The following NCKAP5 variants were observed in gnomAD, a reference collection of about 807,000 sequenced individuals.
NCKAP5 encodes nck-associated protein 5.
A neutral mutation model predicts 167.0 loss-of-function variants in NCKAP5; 92 were observed. That is an observed-to-expected ratio of 0.55 (90% CI 0.47 to 0.66). The LOEUF (loss-of-function observed/expected upper bound fraction) is 0.66, where lower values mean the gene tolerates loss of function less well. NCKAP5 is among the 30% of genes least tolerant of loss of function. The pLI is 0.00. For missense variants in NCKAP5, 2,378 were observed against 2,315.0 expected (o/e 1.03, Z -0.56); for synonymous variants, 891 against 877.4 (o/e 1.02, Z -0.27).
intron 3 of NCKAP5, among the ~76,000 whole-genome samples, chr2:133,445,444 C>T (rs1691133877): frequency 6.6e-6 from 1 of 152,170 alleles, no homozygotes; most frequent in African/African-American, 2.4e-5. Flanking sequence ...ATTGCTATCA[C>T]TGTTTTATAT....
the NCKAP5 span, among the ~76,000 whole-genome samples, chr2:133,615,587 A>G: frequency 6.6e-6 from 1 of 152,250 alleles, no homozygotes; most frequent in South Asian, 2.1e-4. Context: ...GAGCAATTCA[A>G]CAAGAAGAGC....
intron 19 of NCKAP5, among the ~76,000 whole-genome samples, chr2:132,718,570 A>G (rs900844948): frequency 6.6e-6 from 1 of 152,194 alleles, no homozygotes; most frequent in African/African-American, 2.4e-5. Context: ...GAGTAAACTA[A>G]AAGTCTATAT....
chr2:133,636,302 C>T, the NCKAP5 span, among the ~76,000 whole-genome samples: 1 of 152,262 alleles, frequency 6.6e-6, no homozygotes, highest in Non-Finnish European at 1.5e-5. Context: ...ATGTTTATAT[C>T]AAAGACAGAG....
chr2:133,518,904 GAT>G (rs1684250167), intron 2 of NCKAP5, among the ~76,000 whole-genome samples: 3 of 152,308 alleles, frequency 2.0e-5, no homozygotes, highest in Admixed American at 2.0e-4. Flanking sequence ...GGTGCTTTGA[GAT>G]ATAGAAATTG....
chr2:132,947,007 TAAAC>T (rs530616322), intron 8 of NCKAP5, among the ~76,000 whole-genome samples: 19 of 152,234 alleles, frequency 1.2e-4, no homozygotes, highest in Non-Finnish European at 2.5e-4. Context: ...TGGTGTTTCT[TAAAC>T]ATACATATAA....
intron 7 of NCKAP5, among the ~76,000 whole-genome samples, chr2:132,964,889 GA>G (rs925681087): frequency 4.8e-5 from 7 of 145,940 alleles, no homozygotes; most frequent in Middle Eastern, 3.6e-3. Flanking sequence ...AACATAAGAA[GA>G]AAAAAAAAAC....
chr2:133,427,059 C>A (rs1270035814), intron 3 of NCKAP5, among the ~76,000 whole-genome samples: 2 of 151,972 alleles, frequency 1.3e-5, no homozygotes, highest in South Asian at 2.1e-4. Flanking sequence ...GAGAGCCATG[C>A]AAAAATCTCA....
At chr2:132,753,939 G>A (rs1198913216) in intron 16 of NCKAP5, among the ~76,000 whole-genome samples, 1 of 152,184 alleles carries the variant, frequency 6.6e-6, no homozygotes, top group African/African-American at 2.4e-5. Context: ...GTGATGGGAG[G>A]TGGAGATGGA....
chr2:133,483,636 G>GC (rs907891182), intron 3 of NCKAP5, among the ~76,000 whole-genome samples: 1 of 150,036 alleles, frequency 6.7e-6, no homozygotes, highest in East Asian at 2.0e-4. Context: ...AAGGGGGGGG[G>GC]GCTTTTTCTC....
the NCKAP5 span, among the ~76,000 whole-genome samples, chr2:133,642,731 T>C: frequency 1.6e-4 from 24 of 152,346 alleles, 1 homozygote; most frequent in East Asian, 2.9e-3. Context: ...CTCTATAAAG[T>C]TGAGATAATG....
chr2:132,800,261 ATATT>A (rs1684922142), intron 11 of NCKAP5, among the ~76,000 whole-genome samples: 4 of 152,216 alleles, frequency 2.6e-5, no homozygotes, highest in Admixed American at 2.6e-4. Flanking sequence ...TGTATAGTTC[ATATT>A]TACTGTTAGT....
At chr2:132,895,151 G>GA (rs1306544514) in intron 8 of NCKAP5, among the ~76,000 whole-genome samples, 4 of 151,810 alleles carry the variant, frequency 2.6e-5, no homozygotes, top group Admixed American at 1.3e-4. Flanking sequence ...CTAACACGGT[G>GA]AAACCCCGTC....
At chr2:132,919,257 C>A (rs1212333036) in intron 8 of NCKAP5, among the ~76,000 whole-genome samples, 1 of 152,074 alleles carries the variant, frequency 6.6e-6, no homozygotes, top group Admixed American at 6.5e-5. Context: ...GTAGAGCACT[C>A]CCAGGATGTG....
intron 19 of NCKAP5, among the ~76,000 whole-genome samples, chr2:132,679,742 AC>A (rs1684958912): frequency 6.6e-6 from 1 of 152,098 alleles, no homozygotes; most frequent in Admixed American, 6.6e-5. Flanking sequence ...CATGTGATTT[AC>A]CCCATCCCTT....
chr2:133,553,011 A>G (rs13025284), intron 2 of NCKAP5, among the ~76,000 whole-genome samples: 41,826 of 152,112 alleles, frequency 0.27, 6,287 homozygotes, highest in East Asian at 0.38. Context: ...GCACATTAAA[A>G]TATTAGAGTA....
intron 6 of NCKAP5, among the ~76,000 whole-genome samples, chr2:133,127,389 T>C (rs2082437895): frequency 6.6e-6 from 1 of 152,212 alleles, no homozygotes; most frequent in Admixed American, 6.5e-5. Flanking sequence ...GTAACTGGAC[T>C]TGAACTTTTC....
intron 3 of NCKAP5, among the ~76,000 whole-genome samples, chr2:133,410,602 G>C (rs1219900118): frequency 6.6e-6 from 1 of 152,156 alleles, no homozygotes; most frequent in African/African-American, 2.4e-5. Context: ...GCAGCTCTGT[G>C]CTTCTCAGAG....
chr2:133,087,667 C>A (rs960245917), intron 6 of NCKAP5, among the ~76,000 whole-genome samples: 1 of 152,110 alleles, frequency 6.6e-6, no homozygotes, highest in African/African-American at 2.4e-5. Flanking sequence ...CTGTTAATAG[C>A]TCTGCAAACA....
intron 3 of NCKAP5, among the ~76,000 whole-genome samples, chr2:133,373,341 G>A (rs999394390): frequency 1.3e-5 from 2 of 152,072 alleles, no homozygotes; most frequent in Non-Finnish European, 2.9e-5. Flanking sequence ...TTATAGGAGT[G>A]AGCCACCACG....
Sources: allele counts gnomAD v4.1 joint callset (sites outside exome capture counted in the v4.1 genomes callset), GRCh38; gene constraint gnomAD v4.1.1; transcripts MANE v1.5; gene names NCBI Gene and HGNC (gene_info 2026-07-23, HGNC 2026-07-21).